The following RIMS2 variants were observed in gnomAD, a reference collection of about 807,000 sequenced individuals.
The protein encoded by RIMS2 is regulating synaptic membrane exocytosis protein 2.
In RIMS2, 59 loss-of-function variants were observed where a neutral mutation model predicts 174.4. The ratio of observed to expected loss-of-function variants is 0.34; its 90% CI spans 0.27 to 0.42. RIMS2 has a LOEUF of 0.42. RIMS2 is among the 10% of genes least tolerant of loss of function. The pLI, the probability that RIMS2 is intolerant of heterozygous loss-of-function variation, is 1.00. For synonymous variants in RIMS2, 606 were observed against 572.5 expected (o/e 1.06, Z -0.84); for missense variants, 1,620 against 1,666.3 (o/e 0.97, Z 0.48).
At chr8:104,065,458 A>T (rs2097089212) in intron 19 of RIMS2, among the ~76,000 whole-genome samples, 1 of 152,142 alleles carries the variant, frequency 6.6e-6, no homozygotes, top group East Asian at 1.9e-4. Flanking sequence ...AGGACCAGCA[A>T]AGAAAAATCA....
chr8:104,077,885 G>A lies in RIMS2; in HGVS notation c.3334+63270G>A, dbSNP rs1250073068. ...TGGCCGGGCACGGTGGCTCACGCCC[G>A]TAATCCCAGCACTTCGGGAGGCCAA... On this transcript the variant is annotated intron_variant, in intron 19 of 23. Coordinates refer to ENST00000504942, the Ensembl canonical transcript of RIMS2. Among the ~76,000 whole-genome samples the A allele has an allele frequency of 4.6e-5, 7 of 151,762 alleles. No individual in the cohort carries two copies. The South Asian group carries it at 8.3e-4, about 18-fold the overall frequency.
chr8:103,561,384 G>C (rs1368991849), intron 1 of RIMS2, among the ~76,000 whole-genome samples: 1 of 152,094 alleles, frequency 6.6e-6, no homozygotes, highest in East Asian at 1.9e-4. Context: ...ACTCCTTTCA[G>C]TTAGAAATAG....
At chr8:103,969,810 C>T (rs539258490) in intron 15 of RIMS2, among the ~76,000 whole-genome samples, 7 of 152,212 alleles carry the variant, frequency 4.6e-5, no homozygotes, top group Admixed American at 2.0e-4. Context: ...GGCAGTGGCA[C>T]GATCCCAACT....
At chr8:103,840,200 C>T (rs549483291) in intron 3 of RIMS2, among the ~76,000 whole-genome samples, 77 of 152,256 alleles carry the variant, frequency 5.1e-4, no homozygotes, top group African/African-American at 1.8e-3. Flanking sequence ...ATGTAATAAA[C>T]ATTCATGAAC....
intron 15 of RIMS2, among the ~76,000 whole-genome samples, chr8:103,967,486 G>GCCCA (rs2092209207): frequency 6.6e-6 from 1 of 151,286 alleles, no homozygotes; most frequent in Non-Finnish European, 1.5e-5. Context: ...GAACCACCAT[G>GCCCA]CCCAGCCTGT....
At position 103,888,835 on chromosome 8, in the gene RIMS2, G is replaced by T. The variant is rs188594778; in HGVS notation, c.1624+2612G>T. 1.2e-4 allele frequency among the ~76,000 whole-genome samples: 18 copies of T among 151,534 alleles called. No homozygotes were observed. The East Asian group carries it at 3.5e-3, about 29-fold the overall frequency. On this transcript the variant is annotated intron_variant, in intron 4 of 23. Transcript: ENST00000504942. ...TCCAAAACTTGAACTTCTAATAGACGCTCTTGAAGATAGGCCTCTGTCTCA... is the reference window on the plus strand; with the variant it reads ...TCCAAAACTTGAACTTCTAATAGACTCTCTTGAAGATAGGCCTCTGTCTCA...
At chr8:103,612,462 G>A (rs2095403046) in intron 1 of RIMS2, among the ~76,000 whole-genome samples, 1 of 152,192 alleles carries the variant, frequency 6.6e-6, no homozygotes, top group African/African-American at 2.4e-5. Flanking sequence ...GAATGGACAT[G>A]GGTCTTAGGC....
chr8:104,198,480 T>C (rs1348599469), intron 19 of RIMS2, among the ~76,000 whole-genome samples: 3 of 152,206 alleles, frequency 2.0e-5, no homozygotes, highest in African/African-American at 7.2e-5. Flanking sequence ...AAAACAATGA[T>C]TATTTCTAGG....
At chr8:104,119,017 G>GA (rs1445006183) in intron 19 of RIMS2, among the ~76,000 whole-genome samples, 2 of 151,890 alleles carry the variant, frequency 1.3e-5, no homozygotes, top group Non-Finnish European at 2.9e-5. Flanking sequence ...ATTTTTGAGG[G>GA]ACACAAATGT....
intron 19 of RIMS2, among the ~76,000 whole-genome samples, chr8:104,229,888 G>A (rs2099214801): frequency 6.6e-6 from 1 of 152,220 alleles, no homozygotes; most frequent in Non-Finnish European, 1.5e-5. Context: ...GGGCAACTAA[G>A]AAGGGAAGTG....
At chr8:103,511,363 A>G (rs1826356246) in intron 1 of RIMS2, among the ~76,000 whole-genome samples, 1 of 152,184 alleles carries the variant, frequency 6.6e-6, no homozygotes, top group Admixed American at 6.5e-5. Flanking sequence ...TCATTATCCA[A>G]TGGTCATGTT....
chr8:103,811,252 C>G (rs774905336), intron 3 of RIMS2, among the ~76,000 whole-genome samples: 1 of 152,094 alleles, frequency 6.6e-6, no homozygotes. Flanking sequence ...GCAGTCCTAA[C>G]GCTAAAAGGA....
At chr8:104,085,945 G>C (rs1474515510) in intron 19 of RIMS2, among the ~76,000 whole-genome samples, 1 of 152,048 alleles carries the variant, frequency 6.6e-6, no homozygotes, top group Non-Finnish European at 1.5e-5. Context: ...GCTTGGGAGA[G>C]GTGAGAATAA....
At chr8:103,910,443 G>T in intron 5 of RIMS2, 1 of 1,597,468 alleles carries the variant, frequency 6.3e-7, no homozygotes, top group Non-Finnish European at 8.5e-7. Flanking sequence ...AGAGGATTTG[G>T]AATGGTCTGA....
intron 19 of RIMS2, among the ~76,000 whole-genome samples, chr8:104,066,875 G>T (rs1165143329): frequency 1.3e-5 from 2 of 151,860 alleles, no homozygotes; most frequent in Non-Finnish European, 2.9e-5. Flanking sequence ...ATTTATCTAA[G>T]ATTTTCCTTT....
chr8:103,796,797 A>G (rs995781114), intron 3 of RIMS2, among the ~76,000 whole-genome samples: 1 of 152,226 alleles, frequency 6.6e-6, no homozygotes, highest in Middle Eastern at 3.2e-3. Flanking sequence ...AATAACTAGT[A>G]TGTTGGATAA....
chr8:103,740,499 G>A (rs1197041734), intron 2 of RIMS2, among the ~76,000 whole-genome samples: 3 of 152,112 alleles, frequency 2.0e-5, no homozygotes, highest in Non-Finnish European at 2.9e-5. Context: ...GTTATAGATT[G>A]GGGAACTTAT....
At chr8:103,846,019 TTG>T in intron 3 of RIMS2, among the ~76,000 whole-genome samples, 1 of 152,234 alleles carries the variant, frequency 6.6e-6, no homozygotes, top group Non-Finnish European at 1.5e-5. Context: ...ACTAGGCCTT[TTG>T]TCTCACCTTG....
intron 2 of RIMS2, among the ~76,000 whole-genome samples, chr8:103,741,694 C>T (rs992376763): frequency 1.3e-5 from 2 of 152,030 alleles, no homozygotes; most frequent in Non-Finnish European, 1.5e-5. Flanking sequence ...CTCATTTTAG[C>T]GTCCCTGCCG....
Sources: allele counts gnomAD v4.1 joint callset (sites outside exome capture counted in the v4.1 genomes callset), GRCh38; gene constraint gnomAD v4.1.1; transcripts MANE v1.5; gene names NCBI Gene and HGNC (gene_info 2026-07-23, HGNC 2026-07-21).